PABPC4L: variants seen among roughly 807,000 people sequenced by gnomAD.
The protein encoded by PABPC4L is polyadenylate-binding protein 4-like.
For synonymous variants in PABPC4L, 169 were observed against 164.1 expected, an observed-to-expected ratio of 1.03 and a Z score of -0.23; for missense variants, 452 against 451.4, an observed-to-expected ratio of 1.00 and a Z score of -0.01.
chr4:134,196,903 C>G lies in PABPC4L; in HGVS notation c.*3004G>C, dbSNP rs1038384232. 1 of 151,284 alleles carries G rather than the reference C, an allele frequency of 6.6e-6. No individual in the cohort carries two copies. Among genetic ancestry groups the G allele is most frequent in the Non-Finnish European group, 1.5e-5 (1 of 67,556 alleles). 9.4% of individuals were successfully genotyped at this position (151,284 alleles called of 1,614,324 possible). Reference sequence around the variant, plus strand: ...TAATTAAGCCATAGCTATAATTCATCTAGACATCTGATGTTATGTCCTATT... The same window carrying G: ...TAATTAAGCCATAGCTATAATTCATGTAGACATCTGATGTTATGTCCTATT... On this transcript the variant is annotated 3_prime_UTR_variant, in exon 2 of 2. Transcript: ENST00000421491.
the PABPC4L span, among the ~76,000 whole-genome samples, chr4:133,972,768 T>G: frequency 1.3e-5 from 2 of 152,120 alleles, no homozygotes; most frequent in Non-Finnish European, 2.9e-5. Flanking sequence ...TGAGAGAGCC[T>G]AGAGGAGACT....
chr4:134,158,741 A>C, the PABPC4L span, among the ~76,000 whole-genome samples: 2 of 152,130 alleles, frequency 1.3e-5, no homozygotes, highest in Non-Finnish European at 2.9e-5. Context: ...ACTATGTACC[A>C]GAATATAAAT....
At position 134,200,308 on chromosome 4, in the gene PABPC4L, C is replaced by A. The variant is rs772459864; in HGVS notation, c.712G>T (p.Asp238Tyr). 6.3e-7 allele frequency: 1 copy of A among 1,589,494 alleles called. No homozygotes were observed. The highest frequency in any genetic ancestry group is 8.6e-7 in the Non-Finnish European group (1 of 1,166,612). The change falls in exon 2 of 2, where the codon GAT becomes TAT. Residue 238 changes from aspartate to tyrosine, a missense_variant. By Grantham distance (160) the Asp-to-Tyr change is radical. Coordinates refer to ENST00000421491, the MANE Select transcript of PABPC4L (RefSeq NM_001114734.2). ...GCTTTCTTGGCAGCCTCATGGCTAT[C>A]AAAACTCACAAAGCCAAAGCCTTTG... ...KSKGFGFVSF[D>Y]SHEAAKKAVE...
At chr4:134,160,882 A>C in the PABPC4L span, among the ~76,000 whole-genome samples, 1 of 151,930 alleles carries the variant, frequency 6.6e-6, no homozygotes, top group African/African-American at 2.4e-5. Flanking sequence ...TATAAAGTAA[A>C]ATTTAAAAGA....
chr4:134,112,353 T>C, the PABPC4L span, among the ~76,000 whole-genome samples: 3 of 151,930 alleles, frequency 2.0e-5, no homozygotes, highest in Non-Finnish European at 4.4e-5. Context: ...AAGAGTAATA[T>C]ATTTTACGGA....
At chr4:134,023,492 T>C in the PABPC4L span, among the ~76,000 whole-genome samples, 1 of 152,130 alleles carries the variant, frequency 6.6e-6, no homozygotes, top group Non-Finnish European at 1.5e-5. Context: ...GATTCTTCTC[T>C]GGATTAAGTG....
the PABPC4L span, among the ~76,000 whole-genome samples, chr4:134,072,300 T>C: frequency 2.0e-5 from 3 of 152,146 alleles, no homozygotes; most frequent in East Asian, 5.8e-4. Flanking sequence ...CCAGAGTTGA[T>C]GTGAGTCTGT....
chr4:134,004,979 G>C, the PABPC4L span, among the ~76,000 whole-genome samples: 1 of 151,826 alleles, frequency 6.6e-6, no homozygotes, highest in Admixed American at 6.6e-5. Context: ...GGTAAGTGGA[G>C]AGATGTTGGC....
chr4:133,984,389 T>C, the PABPC4L span, among the ~76,000 whole-genome samples: 373 of 151,938 alleles, frequency 2.5e-3, 1 homozygote, highest in African/African-American at 8.4e-3. Context: ...TAAAATATAG[T>C]TAAAGGTGTT....
the PABPC4L span, among the ~76,000 whole-genome samples, chr4:134,017,238 A>T: frequency 6.6e-6 from 1 of 152,168 alleles, no homozygotes; most frequent in Non-Finnish European, 1.5e-5. Flanking sequence ...CCACCAACTT[A>T]AAAAGGACTA....
chr4:134,033,020 CTTTTT>C, the PABPC4L span, among the ~76,000 whole-genome samples: 1 of 138,872 alleles, frequency 7.2e-6, no homozygotes. Context: ...CACAAGTATC[CTTTTT>C]TTTTTTTTTT....
chr4:134,110,781 T>A, the PABPC4L span, among the ~76,000 whole-genome samples: 1 of 152,172 alleles, frequency 6.6e-6, no homozygotes, highest in Non-Finnish European at 1.5e-5. Context: ...ATGTAAATGC[T>A]ATGTAAATAG....
the PABPC4L span, among the ~76,000 whole-genome samples, chr4:134,156,942 A>G: frequency 1.9e-4 from 29 of 151,978 alleles, no homozygotes; most frequent in Admixed American, 1.1e-3. Flanking sequence ...AATTCCCTCA[A>G]ATTCTTCTCC....
At chr4:134,171,513 G>A in the PABPC4L span, among the ~76,000 whole-genome samples, 6 of 152,118 alleles carry the variant, frequency 3.9e-5, no homozygotes, top group African/African-American at 7.2e-5. Flanking sequence ...TAGAGATTCC[G>A]GATCCTAGCT....
At chr4:134,157,275 T>TG in the PABPC4L span, among the ~76,000 whole-genome samples, 1 of 151,588 alleles carries the variant, frequency 6.6e-6, no homozygotes, top group African/African-American at 2.4e-5. Flanking sequence ...GTTTTTTTTT[T>TG]TTTAGTATTA....
chr4:134,153,922 A>G, the PABPC4L span, among the ~76,000 whole-genome samples: 226 of 149,244 alleles, frequency 1.5e-3, no homozygotes, highest in African/African-American at 5.4e-3. Context: ...CTACATAGCT[A>G]AGATTATTAC....
chr4:133,995,547 C>A, the PABPC4L span, among the ~76,000 whole-genome samples: 1 of 152,116 alleles, frequency 6.6e-6, no homozygotes, highest in Non-Finnish European at 1.5e-5. Context: ...CCTGGGCTAA[C>A]CAATTGATAA....
the PABPC4L span, among the ~76,000 whole-genome samples, chr4:134,178,851 A>C: frequency 4.6e-5 from 7 of 152,168 alleles, no homozygotes; most frequent in Non-Finnish European, 8.8e-5. Flanking sequence ...AATGAAGAAA[A>C]AACAATAAAG....
At chr4:134,102,266 C>T in the PABPC4L span, among the ~76,000 whole-genome samples, 1 of 151,274 alleles carries the variant, frequency 6.6e-6, no homozygotes, top group Admixed American at 6.6e-5. Flanking sequence ...GTAAAATGAC[C>T]TTCAAGATAA....
Sources: gnomAD v4.1 joint callset for allele counts (sites outside exome capture counted in the v4.1 genomes callset) on GRCh38, gnomAD v4.1.1 for gene constraint, MANE v1.5 for transcripts, NCBI Gene and HGNC (gene_info 2026-07-23, HGNC 2026-07-21) for gene names.